RGL1: variants seen among roughly 807,000 people sequenced by gnomAD.
The protein encoded by RGL1 is ral guanine nucleotide dissociation stimulator-like 1.
In RGL1, 24 loss-of-function variants were observed where a neutral mutation model predicts 95.2. That is an observed-to-expected ratio of 0.25 (90% CI 0.18 to 0.35). RGL1 has a LOEUF of 0.35. RGL1 is among the 10% of genes least tolerant of loss of function. RGL1 has a pLI of 1.00. For missense variants in RGL1, 715 were observed against 936.3 expected (o/e 0.76, Z 3.08); for synonymous variants, 329 against 344.9 (o/e 0.95, Z 0.51).
In RGL1 at chr1:183,847,770, G is replaced by A; in HGVS notation, c.343G>A (p.Asp115Asn). 6.2e-7 allele frequency: 1 copy of A among 1,613,222 alleles called. No individual in the cohort carries two copies. The highest frequency in any genetic ancestry group is 8.5e-7 in the Non-Finnish European group (1 of 1,179,274). The change falls in exon 3 of 18, where the codon GAC (aspartate) becomes AAC (asparagine). Residue 115 changes from aspartate to asparagine, a missense_variant. Asp to Asn is a conservative substitution (Grantham distance 23, BLOSUM62 1). Transcript: ENST00000360851. ...TAAAGAAGTGCTGGAACTACTGCTG[G>A]ACAGGTAAGAATGTAAAGGAGCTTT... ...STKEVLELLL[D>N]RYGNLTSPNC...
intron 2 of RGL1, among the ~76,000 whole-genome samples, chr1:183,767,122 C>T (rs1202996571): frequency 6.7e-6 from 1 of 150,090 alleles, no homozygotes; most frequent in Non-Finnish European, 1.5e-5. Flanking sequence ...CGGGAGGCTG[C>T]AGTGGGAAGA....
At chr1:183,886,761 A>T (rs966810102) in intron 7 of RGL1, among the ~76,000 whole-genome samples, 3 of 152,046 alleles carry the variant, frequency 2.0e-5, no homozygotes, top group African/African-American at 4.8e-5. Context: ...ACCAAGATTT[A>T]TTTTACCTTT....
At chr1:183,687,134 A>G (rs753253912) in intron 1 of RGL1, among the ~76,000 whole-genome samples, 11 of 152,304 alleles carry the variant, frequency 7.2e-5, no homozygotes, top group Non-Finnish European at 1.5e-4. Flanking sequence ...CATCACCATT[A>G]TGTGCTATTC....
At chr1:183,916,905 A>G (rs1265216315) in intron 16 of RGL1, among the ~76,000 whole-genome samples, 1 of 152,170 alleles carries the variant, frequency 6.6e-6, no homozygotes, top group Non-Finnish European at 1.5e-5. Flanking sequence ...ATATATATAC[A>G]TATATATGCA....
intron 2 of RGL1, among the ~76,000 whole-genome samples, chr1:183,752,099 G>A (rs574926566): frequency 6.6e-6 from 1 of 152,130 alleles, no homozygotes; most frequent in Non-Finnish European, 1.5e-5. Flanking sequence ...GTTGATATGT[G>A]CAAGTTCTCT....
intron 1 of RGL1, among the ~76,000 whole-genome samples, chr1:183,695,136 A>T (rs1654179263): frequency 6.6e-6 from 1 of 152,244 alleles, no homozygotes; most frequent in African/African-American, 2.4e-5. Flanking sequence ...GCTCTTTCAG[A>T]TATGACATCA....
rs574823758 is a variant in RGL1 at position 183,847,588 on chromosome 1, C to T, written c.161C>T (p.Pro54Leu). 2.5e-6 allele frequency: 4 copies of T among 1,614,100 alleles called. No homozygotes were observed. The highest frequency in any genetic ancestry group is 3.4e-6 in the Non-Finnish European group (4 of 1,179,966). ...CAGGTTGAAGGGGACCAGCTGCCTC[C>T]AGGACACACAGTCAGTCAATATGAA... ...WLGVEGDQLP[P>L]GHTVSQYETC... The change falls in exon 3 of 18, where the codon CCA (proline) becomes CTA (leucine). Residue 54 changes from proline to leucine, a missense_variant. By Grantham distance (98) the Pro-to-Leu change is moderately conservative. Transcript: ENST00000360851.
At chr1:183,803,017 T>A (rs1661080207), upstream of RGL1, among the ~76,000 whole-genome samples, 1 of 152,216 alleles carries the variant, frequency 6.6e-6, no homozygotes, top group Non-Finnish European at 1.5e-5. Flanking sequence ...TATTTTTAAA[T>A]GAATATTAAA....
chr1:183,708,181 G>GT (rs1382183330), intron 1 of RGL1, among the ~76,000 whole-genome samples: 1 of 152,186 alleles, frequency 6.6e-6, no homozygotes, highest in African/African-American at 2.4e-5. Context: ...AGGTCTGCAG[G>GT]TTTTTTATGA....
At chr1:183,815,733 G>A (rs1662038972) in intron 2 of RGL1, among the ~76,000 whole-genome samples, 1 of 152,130 alleles carries the variant, frequency 6.6e-6, no homozygotes, top group Non-Finnish European at 1.5e-5. Flanking sequence ...TACCTGTAAC[G>A]GGGAGAATAG....
intron 2 of RGL1, among the ~76,000 whole-genome samples, chr1:183,832,501 G>A (rs887562080): frequency 1.3e-5 from 2 of 152,184 alleles, no homozygotes; most frequent in African/African-American, 4.8e-5. Context: ...TGTGTGGGAT[G>A]ACCAGAAAGA....
chr1:183,767,462 T>G (rs1381862819), intron 2 of RGL1, among the ~76,000 whole-genome samples: 1 of 152,196 alleles, frequency 6.6e-6, no homozygotes, highest in African/African-American at 2.4e-5. Flanking sequence ...GATATGCAAA[T>G]GAATGTTCTT....
intron 2 of RGL1, among the ~76,000 whole-genome samples, chr1:183,767,967 T>A (rs150676349): frequency 6.8e-6 from 1 of 147,284 alleles, no homozygotes; most frequent in African/African-American, 2.5e-5. Context: ...AAAAAAAAAA[T>A]TGCCCAACTG....
intron 4 of RGL1, among the ~76,000 whole-genome samples, chr1:183,877,929 GTGCCCATCAGAAA>G (rs1483237248): frequency 2.0e-5 from 3 of 152,154 alleles, no homozygotes; most frequent in Non-Finnish European, 4.4e-5. Flanking sequence ...TAAGTGCTGT[GTGCCCATCAGAAA>G]TACCCACACG....
At chr1:183,913,360 T>C (rs990910665) in intron 15 of RGL1, among the ~76,000 whole-genome samples, 1 of 151,962 alleles carries the variant, frequency 6.6e-6, no homozygotes, top group Non-Finnish European at 1.5e-5. Context: ...CATGCCCGCA[T>C]AATTTTTGTA....
At chr1:183,672,934 G>C (rs1425158954) in intron 1 of RGL1, among the ~76,000 whole-genome samples, 1 of 152,200 alleles carries the variant, frequency 6.6e-6, no homozygotes, top group African/African-American at 2.4e-5. Flanking sequence ...TATGCAGGAT[G>C]TGCATGTTTG....
chr1:183,903,457 C>A (rs1400041811), intron 12 of RGL1, among the ~76,000 whole-genome samples: 1 of 152,100 alleles, frequency 6.6e-6, no homozygotes, highest in East Asian at 1.9e-4. Flanking sequence ...ATTTAAAAGA[C>A]TCAAAGGAAA....
rs537979720 is a variant in RGL1 at position 183,904,207 on chromosome 1, T to C, written c.1351-643T>C. On this transcript the variant is annotated intron_variant, in intron 12 of 17. Coordinates refer to ENST00000360851, the MANE Select transcript of RGL1 (RefSeq NM_001297671.3). Reference sequence around the variant, plus strand: ...AACATCCAAATAAGTATAAATAATTTTCAACATAATTATGTACTTGCCTCT... The same window carrying C: ...AACATCCAAATAAGTATAAATAATTCTCAACATAATTATGTACTTGCCTCT... 5.3e-4 allele frequency among the ~76,000 whole-genome samples: 81 copies of C among 152,328 alleles called. 3 individuals carry two copies. The South Asian group carries it at 0.014, about 27-fold the overall frequency.
intron 14 of RGL1, among the ~76,000 whole-genome samples, chr1:183,911,170 CA>C (rs1668621295): frequency 6.6e-6 from 1 of 152,170 alleles, no homozygotes; most frequent in Admixed American, 6.5e-5. Context: ...CTAGCGGTGT[CA>C]CCGGTTGAGA....
Sources: gnomAD v4.1 joint callset for allele counts (sites outside exome capture counted in the v4.1 genomes callset) on GRCh38, gnomAD v4.1.1 for gene constraint, MANE v1.5 for transcripts, NCBI Gene and HGNC (gene_info 2026-07-23, HGNC 2026-07-21) for gene names.